The following JMJD1C variants were observed in gnomAD, a reference collection of about 807,000 sequenced individuals.
JMJD1C encodes jumonji domain-containing protein 1C.
Under a neutral mutation model 245.3 loss-of-function variants are expected in JMJD1C, and 31 were observed. The observed-to-expected ratio is 0.13, with a 90% CI of 0.09 to 0.17. The LOEUF is 0.17. Among genes scored for constraint, JMJD1C ranks in the 10% least tolerant of loss-of-function variants. JMJD1C has a pLI of 1.00. For synonymous variants in JMJD1C, 1,057 were observed against 1,017.4 expected, an observed-to-expected ratio of 1.04 and a Z score of -0.74; for missense variants, 2,691 against 3,000.2, an observed-to-expected ratio of 0.90 and a Z score of 2.41.
At chr10:63,415,355 A>T (rs1341417173) in intron 1 of JMJD1C, among the ~76,000 whole-genome samples, 1 of 152,190 alleles carries the variant, frequency 6.6e-6, no homozygotes, top group African/African-American at 2.4e-5. Flanking sequence ...AATATGAAAG[A>T]TTAACTATTA....
intron 3 of JMJD1C, among the ~76,000 whole-genome samples, chr10:63,255,428 G>A (rs1904297): frequency 0.67 from 101,554 of 151,994 alleles, 36,407 homozygotes; most frequent in Non-Finnish European, 0.81. Flanking sequence ...ATGAGAAGCA[G>A]TATCTATGAG....
intron 1 of JMJD1C, among the ~76,000 whole-genome samples, chr10:63,402,440 CTGA>C (rs1383104008): frequency 2.0e-5 from 3 of 152,022 alleles, no homozygotes; most frequent in Non-Finnish European, 4.4e-5. Context: ...AGCTTAATAC[CTGA>C]TGATATGTAA....
chr10:63,333,635 A>T (rs1448653594), intron 2 of JMJD1C, among the ~76,000 whole-genome samples: 1 of 152,228 alleles, frequency 6.6e-6, no homozygotes, highest in Non-Finnish European at 1.5e-5. Context: ...TCTTGTGGTA[A>T]ACTCACTCAC....
chr10:63,393,500 A>T (rs1205797656), intron 1 of JMJD1C, among the ~76,000 whole-genome samples: 1 of 152,184 alleles, frequency 6.6e-6, no homozygotes, highest in African/African-American at 2.4e-5. Context: ...AACACTAAAA[A>T]TATAACTACC....
intron 2 of JMJD1C, among the ~76,000 whole-genome samples, chr10:63,317,786 T>C (rs1311949002): frequency 3.3e-5 from 5 of 152,078 alleles, no homozygotes; most frequent in East Asian, 1.9e-4. Context: ...CCCCATCCCA[T>C]CTATTCTATC....
chr10:63,362,367 C>G (rs1945455019), intron 2 of JMJD1C, among the ~76,000 whole-genome samples: 1 of 151,868 alleles, frequency 6.6e-6, no homozygotes, highest in Non-Finnish European at 1.5e-5. Context: ...GGTATTCAGC[C>G]TCTACTGAAT....
chr10:63,341,288 C>G lies in JMJD1C; in HGVS notation c.333+39030G>C, dbSNP rs1174650532. On this transcript the variant is annotated intron_variant, in intron 2 of 25. Transcript: ENST00000399262. ...GTACAGAAATTCATTGACAAATTTG[C>G]CAAGGTCATTGCTTATGAAAATGTG... 3.3e-5 allele frequency among the ~76,000 whole-genome samples: 5 copies of G among 152,150 alleles called. No homozygotes were observed. The East Asian group carries it at 9.6e-4, about 29-fold the overall frequency.
intron 1 of JMJD1C, among the ~76,000 whole-genome samples, chr10:63,480,018 T>C (rs552197304): frequency 1.3e-5 from 2 of 152,330 alleles, no homozygotes; most frequent in African/African-American, 4.8e-5. Flanking sequence ...TCCAGTTTTC[T>C]GATTTTCTAA....
intron 1 of JMJD1C, among the ~76,000 whole-genome samples, chr10:63,501,326 GAA>G (rs1397828338): frequency 2.0e-5 from 3 of 152,156 alleles, no homozygotes; most frequent in Non-Finnish European, 4.4e-5. Context: ...GTGATTCATT[GAA>G]AAAGACTGTG....
chr10:63,485,289 C>T (rs775608666), intron 1 of JMJD1C, among the ~76,000 whole-genome samples: 4 of 152,060 alleles, frequency 2.6e-5, no homozygotes, highest in African/African-American at 4.8e-5. Flanking sequence ...ATGGCTCTTC[C>T]TGAAATACTT....
Position 63,344,620 on chromosome 10 carries a change from A to C in JMJD1C, c.333+35698T>G, listed in dbSNP as rs146921216. Among the ~76,000 whole-genome samples the C allele has an allele frequency of 3.7e-3, 560 of 152,348 alleles. 2 individuals carry two copies. The highest frequency in any genetic ancestry group is 0.013 in the African/African-American group (527 of 41,590). On this transcript the variant is annotated intron_variant, in intron 2 of 25. Transcript: ENST00000399262. ...CATGATAATTAAGATCTTTTGCTAC[A>C]GACTGGTAGAAGGCCATGTATCTGA...
intron 2 of JMJD1C, among the ~76,000 whole-genome samples, chr10:63,343,448 G>C (rs1176497952): frequency 6.6e-6 from 1 of 151,970 alleles, no homozygotes; most frequent in South Asian, 2.1e-4. Context: ...AGGTTGGCTG[G>C]TGACTTCATT....
chr10:63,247,895 C>A (rs1213966692), intron 3 of JMJD1C, among the ~76,000 whole-genome samples: 3 of 151,956 alleles, frequency 2.0e-5, no homozygotes, highest in African/African-American at 7.2e-5. Flanking sequence ...TACTTCCAAA[C>A]TCATTCCTTG....
At chr10:63,235,348 T>G (rs893894855) in intron 3 of JMJD1C, among the ~76,000 whole-genome samples, 7 of 151,956 alleles carry the variant, frequency 4.6e-5, no homozygotes, top group Admixed American at 1.3e-4. Flanking sequence ...ATACAAAAAA[T>G]TAGCTGGGTG....
rs766997659 is a variant in JMJD1C, at chr10:63,200,694, A to C, written c.5075-17T>G. ...GAATGCCAGCTGTAAAATCAGTAGG[A>C]AAGTTTTAGCAAGATTATGCTTTGT... On this transcript the variant is annotated splice_polypyrimidine_tract_variant and intron_variant, in intron 10 of 25. Transcript: ENST00000399262. The C allele has an allele frequency of 2.1e-5, 34 of 1,609,780 alleles. No homozygotes were observed. The highest frequency in any genetic ancestry group is 2.9e-5 in the Non-Finnish European group (34 of 1,176,540).
At chr10:63,251,421 T>C (rs1171992260) in intron 3 of JMJD1C, among the ~76,000 whole-genome samples, 1 of 152,234 alleles carries the variant, frequency 6.6e-6, no homozygotes, top group Admixed American at 6.5e-5. Flanking sequence ...GTATTCCTAT[T>C]TAAGTGCAAA....
intron 2 of JMJD1C, among the ~76,000 whole-genome samples, chr10:63,335,477 T>C (rs1004593044): frequency 2.6e-5 from 4 of 152,202 alleles, no homozygotes; most frequent in East Asian, 3.8e-4. Context: ...AAGTTGGCAT[T>C]TTCACTGCAA....
chr10:63,343,853 T>C (rs898363808), intron 2 of JMJD1C, among the ~76,000 whole-genome samples: 1 of 151,800 alleles, frequency 6.6e-6, no homozygotes, highest in Non-Finnish European at 1.5e-5. Flanking sequence ...GCCTGGGTAA[T>C]GTGGCAAAAC....
intron 1 of JMJD1C, among the ~76,000 whole-genome samples, chr10:63,505,811 T>A (rs1429403758): frequency 1.0e-5 from 1 of 98,744 alleles, no homozygotes; most frequent in Non-Finnish European, 2.0e-5. Flanking sequence ...ATAGCCCTCC[T>A]CCCCCCACAG....
Sources: gnomAD v4.1 joint callset for allele counts (sites outside exome capture counted in the v4.1 genomes callset) on GRCh38, gnomAD v4.1.1 for gene constraint, MANE v1.5 for transcripts, NCBI Gene and HGNC (gene_info 2026-07-23, HGNC 2026-07-21) for gene names.